Variants in SEMA3A observed in about 807,000 individuals in gnomAD.
The protein encoded by SEMA3A is semaphorin 3A.
Under a neutral mutation model 97.9 loss-of-function variants are expected in SEMA3A, and 29 were observed. The ratio of observed to expected loss-of-function variants is 0.30; its 90% CI spans 0.22 to 0.40. The LOEUF is 0.40. Ranked by LOEUF, SEMA3A falls within the 10% of genes least tolerant of loss-of-function variation. The probability of loss-of-function intolerance (pLI) is 1.00; values close to 1 mark genes in which losing one functional copy is unlikely to be tolerated. For missense variants in SEMA3A, 763 were observed against 951.3 expected (o/e 0.80, Z 2.60); for synonymous variants, 321 against 323.7 (o/e 0.99, Z 0.09).
At chr7:84,031,365 C>G (rs1743733540) in intron 6 of SEMA3A, among the ~76,000 whole-genome samples, 1 of 151,948 alleles carries the variant, frequency 6.6e-6, no homozygotes, top group African/African-American at 2.4e-5. Flanking sequence ...TCATCTTTGT[C>G]TATGCTCTAA....
In SEMA3A at chr7:84,294,162, T is replaced by C. The variant is rs187436565; in HGVS notation, c.-83+13045A>G. On this transcript the variant is annotated intron_variant, in intron 3 of 3. Transcript: ENST00000424555. ...CTCCTTGTCTATTTGTCTTGCTAGTTATTATTTTATTAAGATTATACATGT... is the reference window on the plus strand; with the variant it reads ...CTCCTTGTCTATTTGTCTTGCTAGTCATTATTTTATTAAGATTATACATGT... Among the ~76,000 whole-genome samples, 756 of 152,158 alleles carry C rather than the reference T, an allele frequency of 5.0e-3. 4 individuals carry two copies. The highest frequency in any genetic ancestry group is 8.7e-3 in the Non-Finnish European group (590 of 67,930).
chr7:84,232,509 C>T (rs1284187522), intron 3 of SEMA3A, among the ~76,000 whole-genome samples: 2 of 151,084 alleles, frequency 1.3e-5, no homozygotes, highest in African/African-American at 2.4e-5. Context: ...ACAAAACTAA[C>T]AAGCTTGTAC....
At chr7:84,343,918 A>G (rs1325523594) in intron 2 of SEMA3A, among the ~76,000 whole-genome samples, 1 of 152,080 alleles carries the variant, frequency 6.6e-6, no homozygotes, top group Non-Finnish European at 1.5e-5. Context: ...AGATGCGAGG[A>G]TCACTTGATC....
Position 84,179,963 on chromosome 7 carries a change from C to CTTT in SEMA3A, c.112+14509_112+14511dup, listed in dbSNP as rs1215492615. Among the ~76,000 whole-genome samples, 16 of 109,408 alleles carry CTTT rather than the reference C, an allele frequency of 1.5e-4. 1 individual carries two copies. Among genetic ancestry groups the CTTT allele is most frequent in the Middle Eastern group, 4.6e-3 (1 of 216 alleles). 71.8% of individuals were successfully genotyped at this position (109,408 alleles called of 152,430 possible). A position where few individuals can be genotyped will look rare whatever the true frequency, so the allele number is the denominator to read the frequency against. On this transcript the variant is annotated intron_variant, in intron 1 of 16. Transcript: ENST00000265362. The stretch of plus-strand genomic sequence containing the variant: ...GTCAATGCATCTCTGCTTGACTGTT[C>CTTT]TTTTTTTTTTTTTTTTTGAGACTGA...
At chr7:84,477,358 G>C (rs1806317719) in intron 1 of SEMA3A, among the ~76,000 whole-genome samples, 1 of 139,692 alleles carries the variant, frequency 7.2e-6, no homozygotes, top group African/African-American at 2.6e-5. Context: ...AGAATCACCT[G>C]AACCTGGGAG....
At chr7:84,099,223 A>G (rs1794875667) in intron 4 of SEMA3A, among the ~76,000 whole-genome samples, 1 of 112,000 alleles carries the variant, frequency 8.9e-6, no homozygotes, top group Non-Finnish European at 2.1e-5. Flanking sequence ...GGCGCCCGCT[A>G]CCACGCCCGG....
chr7:84,363,800 C>T (rs1379009961), intron 2 of SEMA3A, among the ~76,000 whole-genome samples: 1 of 151,850 alleles, frequency 6.6e-6, no homozygotes, highest in Non-Finnish European at 1.5e-5. Context: ...ATCTAGGGAA[C>T]TCTAAGCTTC....
chr7:84,408,711 C>T (rs61178251), intron 1 of SEMA3A, among the ~76,000 whole-genome samples: 16,928 of 130,284 alleles, frequency 0.13, 1,762 homozygotes, highest in African/African-American at 0.31. Context: ...TACTATGCAG[C>T]CATAAAAAAA....
intron 1 of SEMA3A, among the ~76,000 whole-genome samples, chr7:84,165,698 G>T (rs1390781089): frequency 1.3e-5 from 2 of 152,096 alleles, no homozygotes; most frequent in South Asian, 4.1e-4. Flanking sequence ...GATTACAGGT[G>T]TGGGCCACCA....
intron 1 of SEMA3A, among the ~76,000 whole-genome samples, chr7:84,425,685 T>A (rs972943635): frequency 4.7e-5 from 7 of 148,722 alleles, no homozygotes; most frequent in Non-Finnish European, 7.4e-5. Flanking sequence ...ATAATTGTAA[T>A]GAAGATTCGA....
chr7:84,133,612 A>G (rs1796027239), intron 2 of SEMA3A, among the ~76,000 whole-genome samples: 1 of 152,186 alleles, frequency 6.6e-6, no homozygotes, highest in Admixed American at 6.5e-5. Flanking sequence ...TATGAAAGCT[A>G]CTGCATAAAG....
chr7:84,144,797 TTAA>T (rs1796415396), intron 1 of SEMA3A, among the ~76,000 whole-genome samples: 1 of 152,146 alleles, frequency 6.6e-6, no homozygotes, highest in South Asian at 2.1e-4. Context: ...TAACAACTTC[TTAA>T]TAATGAAATT....
chr7:83,991,624 A>G (rs1212881994), intron 12 of SEMA3A, among the ~76,000 whole-genome samples: 1 of 151,908 alleles, frequency 6.6e-6, no homozygotes, highest in South Asian at 2.1e-4. Flanking sequence ...GATTACATTT[A>G]TTGATTTGCA....
At chr7:84,172,861 G>A (rs1797435600) in intron 1 of SEMA3A, among the ~76,000 whole-genome samples, 1 of 152,114 alleles carries the variant, frequency 6.6e-6, no homozygotes, top group African/African-American at 2.4e-5. Flanking sequence ...TTTTGTTTTG[G>A]AAAATATTGA....
chr7:84,095,335 AT>A (rs1794731804), intron 4 of SEMA3A, among the ~76,000 whole-genome samples: 1 of 138,178 alleles, frequency 7.2e-6, no homozygotes, highest in Non-Finnish European at 1.5e-5. Context: ...TATATATTAT[AT>A]ATATTTTATA....
intron 1 of SEMA3A, among the ~76,000 whole-genome samples, chr7:84,388,573 G>A (rs1803460987): frequency 6.6e-6 from 1 of 151,838 alleles, no homozygotes; most frequent in African/African-American, 2.4e-5. Context: ...GCTATTACCA[G>A]AATTTGTAGT....
chr7:84,048,090 A>T (rs1269146329), intron 5 of SEMA3A, among the ~76,000 whole-genome samples: 1 of 152,032 alleles, frequency 6.6e-6, no homozygotes, highest in East Asian at 1.9e-4. Flanking sequence ...GATTGTTGTG[A>T]TTCAAGATAA....
chr7:84,272,034 T>C (rs1187424174), intron 3 of SEMA3A, among the ~76,000 whole-genome samples: 1 of 152,126 alleles, frequency 6.6e-6, no homozygotes, highest in Non-Finnish European at 1.5e-5. Flanking sequence ...ACTATGTGTG[T>C]ACTGCTGATA....
chr7:84,188,130 C>T (rs1797938959), intron 1 of SEMA3A, among the ~76,000 whole-genome samples: 1 of 152,076 alleles, frequency 6.6e-6, no homozygotes, highest in African/African-American at 2.4e-5. Context: ...GGTTTAATGA[C>T]TCATTCAGGA....
Sources: gnomAD v4.1 joint callset for allele counts (sites outside exome capture counted in the v4.1 genomes callset) on GRCh38, gnomAD v4.1.1 for gene constraint, MANE v1.5 for transcripts, NCBI Gene and HGNC (gene_info 2026-07-23, HGNC 2026-07-21) for gene names.